Variants in ALK observed in about 807,000 individuals in gnomAD.
ALK encodes the protein ALK tyrosine kinase receptor.
Under a neutral mutation model 163.1 loss-of-function variants are expected in ALK, and 74 were observed. The observed-to-expected ratio is 0.45, with a 90% CI of 0.38 to 0.55. The LOEUF is 0.55. Among genes scored for constraint, ALK ranks in the 20% least tolerant of loss-of-function variants. The pLI, the probability that ALK is intolerant of heterozygous loss-of-function variation, is 0.00. For missense variants in ALK, 2,063 were observed against 2,105.3 expected, an observed-to-expected ratio of 0.98 and a Z score of 0.39; for synonymous variants, 960 against 843.2, an observed-to-expected ratio of 1.14 and a Z score of -2.40.
chr2:29,710,727 G>C (rs750067019), intron 2 of ALK, among the ~76,000 whole-genome samples: 1 of 152,124 alleles, frequency 6.6e-6, no homozygotes, highest in Non-Finnish European at 1.5e-5. Flanking sequence ...AGCCAGGCTG[G>C]TCTTGAGCTC....
chr2:29,695,132 A>T (rs1342253297), intron 2 of ALK, 118 bp from the exon 3 acceptor site: 2 of 1,157,246 alleles, frequency 1.7e-6, no homozygotes, highest in African/African-American at 3.0e-5. Flanking sequence ...GCCCTGTCCA[A>T]GGGAGATCAG....
Position 29,328,498 on chromosome 2 carries a change from C to T in ALK, c.1283-17G>A. 6.2e-7 allele frequency: 1 copy of T among 1,614,128 alleles called. No individual in the cohort carries two copies. Among genetic ancestry groups the T allele is most frequent in the South Asian group, 1.1e-5 (1 of 91,080 alleles). On this transcript the variant is annotated splice_polypyrimidine_tract_variant and intron_variant, in intron 5 of 28. Coordinates refer to ENST00000389048, the MANE Select transcript of ALK (RefSeq NM_004304.5). Reference sequence around the variant, plus strand: ...GGGATGTTCCTGGAGAGCACACAGACACACAACCATGGTAAGTTTGCATGG... The same window carrying T: ...GGGATGTTCCTGGAGAGCACACAGATACACAACCATGGTAAGTTTGCATGG...
intron 2 of ALK, among the ~76,000 whole-genome samples, chr2:29,711,081 C>G (rs185868602): frequency 1.7e-4 from 26 of 152,266 alleles, no homozygotes; most frequent in African/African-American, 6.0e-4. Flanking sequence ...AATAGGAAAC[C>G]AAGTGGTGCT....
chr2:29,748,937 G>C (rs895684027), intron 1 of ALK, among the ~76,000 whole-genome samples: 10 of 152,072 alleles, frequency 6.6e-5, no homozygotes, highest in African/African-American at 2.4e-4. Context: ...GTAGAGATGG[G>C]GTTTTGCCAT....
intron 4 of ALK, among the ~76,000 whole-genome samples, chr2:29,397,657 A>G (rs1461424173): frequency 6.6e-6 from 1 of 152,228 alleles, no homozygotes; most frequent in Non-Finnish European, 1.5e-5. Context: ...TGAGAAAACA[A>G]CTTATTTCTT....
chr2:29,464,685 T>C (rs1277911817), intron 4 of ALK, among the ~76,000 whole-genome samples: 1 of 152,126 alleles, frequency 6.6e-6, no homozygotes, highest in Admixed American at 6.5e-5. Flanking sequence ...GAACATTTGG[T>C]AATGTGAGGA....
At chr2:29,797,541 C>G (rs2148361735) in intron 1 of ALK, among the ~76,000 whole-genome samples, 1 of 152,310 alleles carries the variant, frequency 6.6e-6, no homozygotes, top group African/African-American at 2.4e-5. Flanking sequence ...GTCTCTCTCC[C>G]TTTTGGAACT....
At chr2:29,706,975 A>ATATGTGTGTGTG (rs1291124655) in intron 2 of ALK, among the ~76,000 whole-genome samples, 1 of 102,726 alleles carries the variant, frequency 9.7e-6, no homozygotes, top group East Asian at 3.1e-4. Flanking sequence ...CTCATGCAGA[A>ATATGTGTGTGTG]TGTGTGTGTG....
At chr2:29,266,443 A>G (rs888708380) in intron 11 of ALK, among the ~76,000 whole-genome samples, 4 of 152,230 alleles carry the variant, frequency 2.6e-5, no homozygotes, top group Non-Finnish European at 5.9e-5. Context: ...AAGGCAACAC[A>G]TGAGGGGTGA....
rs1271075163 is a variant in ALK, at chr2:29,251,246, C to T, written c.2063G>A (p.Cys688Tyr). The change falls in exon 12 of 29, where the codon TGT (cysteine) becomes TAT (tyrosine). Residue 688 changes from cysteine to tyrosine, a missense_variant. Around this residue, in one of 5 missense-constraint regions of ALK, gnomAD observed 987 missense variants for 939.5 expected, o/e 1.05. Transcript: ENST00000389048. ...GGGGCCATGGGGCCCGCTGGCCCCACATGTGGTGAACAGCCAATGAACTGT... is the reference window on the plus strand; with the variant it reads ...GGGGCCATGGGGCCCGCTGGCCCCATATGTGGTGAACAGCCAATGAACTGT... ...DPTVHWLFTTCGASGPHGPTQ... is the reference protein window; with the variant it reads ...DPTVHWLFTTYGASGPHGPTQ... 1 of 1,613,848 alleles carries T rather than the reference C, an allele frequency of 6.2e-7. No individual in the cohort carries two copies. The highest frequency in any genetic ancestry group is 8.5e-7 in the Non-Finnish European group (1 of 1,179,944).
intron 3 of ALK, among the ~76,000 whole-genome samples, chr2:29,588,830 A>C (rs1674965250): frequency 6.6e-6 from 1 of 152,186 alleles, no homozygotes; most frequent in Non-Finnish European, 1.5e-5. Flanking sequence ...TCTTCTTTTG[A>C]CTGTTTTTCC....
At chr2:29,441,081 C>T (rs1205431428) in intron 4 of ALK, among the ~76,000 whole-genome samples, 9 of 152,216 alleles carry the variant, frequency 5.9e-5, no homozygotes, top group Non-Finnish European at 1.2e-4. Context: ...GGCCATCAGG[C>T]TCCAGCATTG....
At chr2:29,816,366 C>G (rs894024485) in intron 1 of ALK, among the ~76,000 whole-genome samples, 1 of 152,034 alleles carries the variant, frequency 6.6e-6, no homozygotes, top group African/African-American at 2.4e-5. Flanking sequence ...GTTGTTGCAT[C>G]GATGAGATAC....
rs866080508 is a variant in ALK, at chr2:29,906,959, T to G, written c.667+13034A>C. Among the ~76,000 whole-genome samples the G allele has an allele frequency of 6.1e-3, 881 of 143,530 alleles. 8 individuals are homozygous for G. The highest frequency in any genetic ancestry group is 0.021 in the African/African-American group (819 of 38,476). The allele number at this position is 143,530 out of a possible 152,430, so 94.2% of individuals were successfully genotyped here. A position where few individuals can be genotyped will look rare whatever the true frequency, so the allele number is the denominator to read the frequency against. The stretch of plus-strand genomic sequence containing the variant: ...AAGGTTTTTTTTTTTTTTTTTTTTT[T>G]TTTTTTTTGAGACAGAATCTTGCTC... On this transcript the variant is annotated intron_variant, in intron 1 of 28. Coordinates refer to ENST00000389048, the MANE Select transcript of ALK (RefSeq NM_004304.5).
intron 3 of ALK, among the ~76,000 whole-genome samples, chr2:29,681,742 C>A (rs4514837): frequency 0.19 from 28,673 of 151,106 alleles, 6,347 homozygotes; most frequent in African/African-American, 0.54. Context: ...CTACAACCCC[C>A]CTGGGCATGT....
chr2:29,771,351 A>C (rs1309412531), intron 1 of ALK, among the ~76,000 whole-genome samples: 1 of 152,232 alleles, frequency 6.6e-6, no homozygotes, highest in Admixed American at 6.5e-5. Flanking sequence ...GAAATTTTAG[A>C]GTACATAGGA....
intron 1 of ALK, among the ~76,000 whole-genome samples, chr2:29,913,562 C>T (rs887655027): frequency 1.3e-5 from 2 of 152,176 alleles, no homozygotes; most frequent in Non-Finnish European, 2.9e-5. Flanking sequence ...GATCCTAGAC[C>T]TACAACCATC....
chr2:29,556,827 C>T (rs1673874604), intron 3 of ALK, among the ~76,000 whole-genome samples: 1 of 152,202 alleles, frequency 6.6e-6, no homozygotes, highest in Admixed American at 6.5e-5. Context: ...AGGTAGCCTC[C>T]ATTTGGTGTT....
At chr2:29,878,991 T>C (rs905357488) in intron 1 of ALK, among the ~76,000 whole-genome samples, 1 of 152,162 alleles carries the variant, frequency 6.6e-6, no homozygotes, top group Admixed American at 6.5e-5. Flanking sequence ...CCACACAGTA[T>C]GCAGGCAAGA....
Sources: gnomAD v4.1 joint callset for allele counts (sites outside exome capture counted in the v4.1 genomes callset) on GRCh38, gnomAD v4.1.1 for gene constraint, gnomAD v4.1.1 regional missense constraint, MANE v1.5 for transcripts, NCBI Gene and HGNC (gene_info 2026-07-23, HGNC 2026-07-21) for gene names.